Variants in AKAP13 observed in about 807,000 individuals in gnomAD.
The protein encoded by AKAP13 is A-kinase anchor protein 13.
Under a neutral mutation model 264.5 loss-of-function variants are expected in AKAP13, and 80 were observed. That is an observed-to-expected ratio of 0.30 (90% CI 0.25 to 0.36). AKAP13 has a LOEUF of 0.36. Among genes scored for constraint, AKAP13 ranks in the 10% least tolerant of loss-of-function variants. AKAP13 has a pLI of 1.00. For missense variants in AKAP13, 3,712 were observed against 3,435.2 expected (o/e 1.08, Z -2.01); for synonymous variants, 1,380 against 1,250.2 (o/e 1.10, Z -2.19).
At chr15:85,733,918 C>T (rs1254333113) in intron 30 of AKAP13, among the ~76,000 whole-genome samples, 1 of 119,976 alleles carries the variant, frequency 8.3e-6, no homozygotes, top group African/African-American at 3.0e-5. Flanking sequence ...GCTCCTGTTG[C>T]CCAGGCTGCA....
rs1174997127 is a variant in AKAP13 at position 85,580,528 on chromosome 15, A to G, written c.2460A>G (p.Thr820=). The part of the protein sequence containing the change: ...EKGTATPELH[T]ATDYRDGPDG... ...GAACAGCAACTCCTGAACTACATAC[A>G]GCTACAGATTATAGAGATGGCCCAG... The change falls in exon 7 of 37, where the codon ACA becomes ACG. Residue 820 remains threonine (T), a synonymous_variant. Coordinates refer to ENST00000394518, the MANE Select transcript of AKAP13 (RefSeq NM_007200.5). The G allele has an allele frequency of 1.7e-5, 27 of 1,614,098 alleles. No homozygotes were observed. The highest frequency in any genetic ancestry group is 2.2e-5 in the Non-Finnish European group (26 of 1,180,050).
rs538458082 is a variant in AKAP13, at chr15:85,740,609, G to C, written c.7608+337G>C. ...TCCGTATCTCTGTGGTATTTGAATA[G>C]AGTGGCCTTCCTAATACAGCTTCTG... is the stretch of plus-strand genomic sequence containing the variant. On this transcript the variant is annotated intron_variant, in intron 34 of 36. Coordinates refer to ENST00000394518, the MANE Select transcript of AKAP13 (RefSeq NM_007200.5). 4.0e-5 allele frequency: 14 copies of C among 349,976 alleles called. No individual in the cohort carries two copies. In the East Asian group the frequency reaches 7.6e-4, roughly 19 times the overall value. The allele number at this position is 349,976 out of a possible 1,614,324, so 21.7% of individuals were successfully genotyped here. A position where few individuals can be genotyped will look rare whatever the true frequency, so the allele number is the denominator to read the frequency against.
intron 16 of AKAP13, among the ~76,000 whole-genome samples, chr15:85,689,306 A>T (rs1373731299): frequency 1.3e-5 from 2 of 152,206 alleles, no homozygotes; most frequent in East Asian, 3.9e-4. Context: ...CAAAGACTTA[A>T]TTTTAAATGT....
At chr15:85,732,120 T>C (rs1165883707) in intron 30 of AKAP13, among the ~76,000 whole-genome samples, 1 of 151,528 alleles carries the variant, frequency 6.6e-6, no homozygotes, top group Non-Finnish European at 1.5e-5. Context: ...TTTCAAGTCA[T>C]TGCAATTCCT....
chr15:85,618,766 T>C (rs2081047441), intron 8 of AKAP13, among the ~76,000 whole-genome samples: 1 of 152,232 alleles, frequency 6.6e-6, no homozygotes, highest in South Asian at 2.1e-4. Flanking sequence ...AATATTAACA[T>C]ACACAGAACT....
chr15:85,717,436 C>G (rs1250566315), intron 21 of AKAP13, 34 bp downstream of exon 21: 1 of 1,422,652 alleles, frequency 7.0e-7, no homozygotes, highest in East Asian at 2.3e-5. Context: ...TTTTATGCCT[C>G]TGTAGGGACT....
chr15:85,434,146 T>C (rs1410001606), intron 1 of AKAP13, among the ~76,000 whole-genome samples: 2 of 151,870 alleles, frequency 1.3e-5, no homozygotes, highest in East Asian at 3.9e-4. Flanking sequence ...GGGCGAGGCA[T>C]TGCCTCACTT....
At chr15:85,465,962 C>T (rs1344219432) in intron 1 of AKAP13, among the ~76,000 whole-genome samples, 1 of 150,754 alleles carries the variant, frequency 6.6e-6, no homozygotes, top group African/African-American at 2.4e-5. Flanking sequence ...AGTTTACAGT[C>T]CCACCAACAG....
chr15:85,495,211 GCTTTCT>G (rs2075837337), intron 2 of AKAP13, among the ~76,000 whole-genome samples: 1 of 152,130 alleles, frequency 6.6e-6, no homozygotes, highest in Non-Finnish European at 1.5e-5. Context: ...GAACAGTAAG[GCTTTCT>G]CTTGTAAAGC....
intron 14 of AKAP13, among the ~76,000 whole-genome samples, chr15:85,672,330 T>C (rs62022916): frequency 2.0e-5 from 3 of 152,252 alleles, no homozygotes; most frequent in Non-Finnish European, 4.4e-5. Context: ...GTTCCTCCTA[T>C]ATACAATTAA....
chr15:85,716,285 T>C (rs1246000069), intron 20 of AKAP13, among the ~76,000 whole-genome samples: 1 of 152,234 alleles, frequency 6.6e-6, no homozygotes. Context: ...ACAGATGTCA[T>C]GCTTTTCTGT....
chr15:85,450,367 G>C (rs1340245715), intron 1 of AKAP13, among the ~76,000 whole-genome samples: 1 of 151,622 alleles, frequency 6.6e-6, no homozygotes, highest in Non-Finnish European at 1.5e-5. Flanking sequence ...ATTTCCTTCA[G>C]TTCAGCTCTG....
intron 2 of AKAP13, among the ~76,000 whole-genome samples, chr15:85,497,379 G>C (rs1292084672): frequency 6.6e-6 from 1 of 152,194 alleles, no homozygotes; most frequent in Non-Finnish European, 1.5e-5. Flanking sequence ...ATGGCAGGGA[G>C]AGAGGAATGG....
At position 85,740,086 on chromosome 15, in the gene AKAP13, T is replaced by G. The variant is rs80285216; in HGVS notation, c.7558-136T>G. 55 of 936,922 alleles carry G rather than the reference T, an allele frequency of 5.9e-5. No homozygotes were observed. In the East Asian group the frequency reaches 1.5e-3, roughly 25 times the overall value. 58.0% of individuals were successfully genotyped at this position (936,922 alleles called of 1,614,324 possible). ...CACTTAGTTTCTTTGGTGCTTTCAA[T>G]TTGAAAATATTTCATAAAGATATAA... On this transcript the variant is annotated intron_variant, in intron 33 of 36. Transcript: ENST00000394518.
At chr15:85,628,214 T>A (rs1310927232) in intron 8 of AKAP13, among the ~76,000 whole-genome samples, 2 of 152,210 alleles carry the variant, frequency 1.3e-5, no homozygotes, top group African/African-American at 4.8e-5. Context: ...GTGTTAAAAT[T>A]ATACTTATAA....
intron 8 of AKAP13, among the ~76,000 whole-genome samples, chr15:85,622,714 T>G (rs1303223487): frequency 6.6e-6 from 1 of 152,200 alleles, no homozygotes; most frequent in Admixed American, 6.5e-5. Context: ...GAAAACAGAT[T>G]GGTGTAGTTA....
intron 2 of AKAP13, among the ~76,000 whole-genome samples, chr15:85,512,357 C>CTT (rs368025432): frequency 6.6e-6 from 1 of 152,304 alleles, no homozygotes; most frequent in Non-Finnish European, 1.5e-5. Flanking sequence ...CTTGCTTCTC[C>CTT]TCCCTTCTCC....
intron 2 of AKAP13, among the ~76,000 whole-genome samples, chr15:85,491,617 T>G (rs928996211): frequency 1.2e-4 from 18 of 150,948 alleles, no homozygotes; most frequent in Non-Finnish European, 2.5e-4. Flanking sequence ...TTATATTGTT[T>G]CATGGCTGGA....
At chr15:85,573,021 C>A (rs746075195) in intron 5 of AKAP13, among the ~76,000 whole-genome samples, 1 of 152,174 alleles carries the variant, frequency 6.6e-6, no homozygotes, top group African/African-American at 2.4e-5. Flanking sequence ...ATGGCTGCTA[C>A]TGTAGCATAT....
Sources: allele counts gnomAD v4.1 joint callset (sites outside exome capture counted in the v4.1 genomes callset), GRCh38; gene constraint gnomAD v4.1.1; transcripts MANE v1.5; gene names NCBI Gene and HGNC (gene_info 2026-07-23, HGNC 2026-07-21).